Variants in TOX observed in about 807,000 individuals in gnomAD.
The protein encoded by TOX is thymocyte selection-associated high mobility group box protein TOX.
A neutral mutation model predicts 53.7 loss-of-function variants in TOX; 11 were observed. The ratio of observed to expected loss-of-function variants is 0.20; its 90% confidence interval spans 0.13 to 0.34. The LOEUF (loss-of-function observed/expected upper bound fraction) is 0.34. TOX is among the 10% of genes least tolerant of loss of function. The probability of loss-of-function intolerance (pLI) is 1.00; values close to 1 mark genes in which losing one functional copy is unlikely to be tolerated. For synonymous variants in TOX, 225 were observed against 245.3 expected, an observed-to-expected ratio of 0.92 and a Z score of 0.77; for missense variants, 570 against 664.6, an observed-to-expected ratio of 0.86 and a Z score of 1.56.
At chr8:58,922,366 T>C (rs10216373) in intron 3 of TOX, among the ~76,000 whole-genome samples, 36 of 152,232 alleles carry the variant, frequency 2.4e-4, no homozygotes, top group Non-Finnish European at 4.4e-4. Context: ...CGTGTATATA[T>C]TGAAATGTGC....
chr8:58,960,406 G>A (rs1250959216), intron 1 of TOX, among the ~76,000 whole-genome samples: 1 of 152,118 alleles, frequency 6.6e-6, no homozygotes, highest in East Asian at 1.9e-4. Context: ...AAAAATACAC[G>A]AAGGCACAGC....
chr8:59,012,784 T>C (rs2129418858), intron 1 of TOX, among the ~76,000 whole-genome samples: 1 of 152,208 alleles, frequency 6.6e-6, no homozygotes, highest in East Asian at 1.9e-4. Context: ...AGAAGGGGAC[T>C]CACCATCTTT....
intron 4 of TOX, among the ~76,000 whole-genome samples, chr8:58,840,814 T>A (rs1486129657): frequency 6.8e-6 from 1 of 146,310 alleles, no homozygotes; most frequent in Non-Finnish European, 1.5e-5. Flanking sequence ...AGATCTCCAC[T>A]GGCCACACTG....
At chr8:58,965,908 T>C (rs951938950) in intron 1 of TOX, among the ~76,000 whole-genome samples, 9 of 145,572 alleles carry the variant, frequency 6.2e-5, no homozygotes, top group African/African-American at 2.3e-4. Context: ...TTTTTTTTTT[T>C]TTTTTTTTTT....
At chr8:58,854,000 C>A (rs1810868941) in intron 3 of TOX, among the ~76,000 whole-genome samples, 1 of 152,116 alleles carries the variant, frequency 6.6e-6, no homozygotes, top group African/African-American at 2.4e-5. Context: ...AGAAAAGCTC[C>A]CATTATGGGC....
intron 1 of TOX, among the ~76,000 whole-genome samples, chr8:58,979,830 T>A (rs1813167682): frequency 6.6e-6 from 1 of 152,200 alleles, no homozygotes; most frequent in Admixed American, 6.5e-5. Flanking sequence ...TTTCTCTCTG[T>A]AAAATGGGGA....
chr8:58,931,755 G>A (rs1812257978), intron 3 of TOX, among the ~76,000 whole-genome samples: 1 of 152,126 alleles, frequency 6.6e-6, no homozygotes. Context: ...TTTGCTTATA[G>A]CATATTATAT....
intron 3 of TOX, among the ~76,000 whole-genome samples, chr8:58,865,140 C>A (rs10504266): frequency 0.41 from 62,245 of 151,858 alleles, 13,900 homozygotes; most frequent in African/African-American, 0.6. Context: ...CCTTAAAGAC[C>A]CAGCAAAGCC....
Position 58,940,293 on chromosome 8 carries a change from C to A in TOX, c.169-749G>T, listed in dbSNP as rs566301638. On this transcript the variant is annotated intron_variant, in intron 2 of 8. Coordinates refer to ENST00000361421, the MANE Select transcript of TOX (RefSeq NM_014729.3). ...TACTAATATTATTATAATACTAATT[C>A]TGGAATAAAAGCCAGCAGTAAAATA... Among the ~76,000 whole-genome samples the A allele has an allele frequency of 1.4e-4, 21 of 150,784 alleles. 1 individual carries two copies. The East Asian group carries it at 4.1e-3, about 29-fold the overall frequency.
At chr8:58,847,737 G>A (rs1810741450) in intron 4 of TOX, among the ~76,000 whole-genome samples, 1 of 152,018 alleles carries the variant, frequency 6.6e-6, no homozygotes, top group Non-Finnish European at 1.5e-5. Flanking sequence ...GACAAGAGAA[G>A]ATCTCAAAAG....
At chr8:58,891,231 A>G (rs1352531438) in intron 3 of TOX, among the ~76,000 whole-genome samples, 1 of 152,168 alleles carries the variant, frequency 6.6e-6, no homozygotes, top group Non-Finnish European at 1.5e-5. Context: ...GGTAGAAGGA[A>G]TTCAACCCAA....
At chr8:59,078,748 C>T (rs577464070) in intron 1 of TOX, among the ~76,000 whole-genome samples, 26 of 152,122 alleles carry the variant, frequency 1.7e-4, no homozygotes, top group East Asian at 9.7e-4. Flanking sequence ...TTTTGGAACT[C>T]GGTAATGGAC....
At chr8:59,096,261 T>C (rs1042270531) in intron 1 of TOX, among the ~76,000 whole-genome samples, 1 of 152,242 alleles carries the variant, frequency 6.6e-6, no homozygotes, top group African/African-American at 2.4e-5. Context: ...ACACTCCTAA[T>C]AGTATTAGTG....
chr8:58,936,851 T>G (rs1812353819), intron 3 of TOX, among the ~76,000 whole-genome samples: 4 of 152,190 alleles, frequency 2.6e-5, no homozygotes, highest in African/African-American at 9.7e-5. Flanking sequence ...CTATACTCTC[T>G]AACACAGTAG....
intron 3 of TOX, among the ~76,000 whole-genome samples, chr8:58,907,049 G>A (rs13258467): frequency 0.055 from 8,443 of 152,228 alleles, 293 homozygotes; most frequent in South Asian, 0.094. Flanking sequence ...AGATTGAAGT[G>A]GGACCAAGCT....
At chr8:58,890,513 C>G (rs573336695) in intron 3 of TOX, among the ~76,000 whole-genome samples, 7 of 151,930 alleles carry the variant, frequency 4.6e-5, no homozygotes, top group Admixed American at 1.3e-4. Flanking sequence ...ATATGAGGAA[C>G]AAGTTGAGAA....
At chr8:58,898,708 G>C (rs1811688529) in intron 3 of TOX, among the ~76,000 whole-genome samples, 1 of 152,166 alleles carries the variant, frequency 6.6e-6, no homozygotes, top group African/African-American at 2.4e-5. Context: ...CTCAGATGAA[G>C]AGAGTTGCAT....
At chr8:58,945,992 T>C (rs767259337) in intron 2 of TOX, among the ~76,000 whole-genome samples, 8 of 152,006 alleles carry the variant, frequency 5.3e-5, no homozygotes, top group Non-Finnish European at 1.5e-5. Flanking sequence ...CTTTAAATTA[T>C]GTGATGGATT....
chr8:58,875,938 G>A (rs1238906617), intron 3 of TOX, among the ~76,000 whole-genome samples: 1 of 152,176 alleles, frequency 6.6e-6, no homozygotes, highest in Non-Finnish European at 1.5e-5. Context: ...GCGTAAGTCA[G>A]TATAATCAAG....
Sources: gnomAD v4.1 joint callset for allele counts (sites outside exome capture counted in the v4.1 genomes callset) on GRCh38, gnomAD v4.1.1 for gene constraint, MANE v1.5 for transcripts, NCBI Gene and HGNC (gene_info 2026-07-23, HGNC 2026-07-21) for gene names.